Variants in ENO4 observed in about 807,000 individuals in gnomAD.
ENO4 encodes the protein 2-phospho-D-glycerate hydro-lyase.
In ENO4, 53 loss-of-function variants were observed where a neutral mutation model predicts 63.2. The observed-to-expected ratio is 0.84, with a 90% CI of 0.67 to 1.05. The LOEUF (loss-of-function observed/expected upper bound fraction) is 1.05, where lower values mean the gene tolerates loss of function less well. ENO4 is among the 50% of genes least tolerant of loss of function. The pLI is 0.00. For synonymous variants in ENO4, 266 were observed against 283.8 expected, an observed-to-expected ratio of 0.94 and a Z score of 0.63; for missense variants, 719 against 772.0, an observed-to-expected ratio of 0.93 and a Z score of 0.81.
downstream of ENO4, chr10:116,886,459 T>C (rs1278217267): frequency 1.2e-6 from 2 of 1,613,688 alleles, no homozygotes; most frequent in African/African-American, 1.3e-5. Flanking sequence ...AGCAACCTGG[T>C]CTTTGGTTTG....
chr10:116,890,103 A>G (rs1232497318), intron 10 of ENO4, among the ~76,000 whole-genome samples: 3 of 152,212 alleles, frequency 2.0e-5, no homozygotes, highest in African/African-American at 7.2e-5. Context: ...CCCAAGGTAG[A>G]AATCCCAGAA....
In ENO4 at chr10:116,901,464, CTGAT is replaced by C. The variant is rs1237857189; in HGVS notation, c.1195-10032_1195-10029del. The C allele has an allele frequency of 5.1e-6, 5 of 985,196 alleles. No homozygotes were observed. The East Asian group carries it at 5.7e-4, about 112-fold the overall frequency. 61.0% of individuals were successfully genotyped at this position (985,196 alleles called of 1,614,324 possible). On this transcript the variant is annotated intron_variant, in intron 10 of 10. Transcript: ENST00000369207. ...GATCGATGTATTTAATCTTGAAAGACTGATTGTCTCCTGACGCAGAGTCTGTATC... is the reference window on the plus strand; with the variant it reads ...GATCGATGTATTTAATCTTGAAAGACTGTCTCCTGACGCAGAGTCTGTATC...
At chr10:116,851,493 C>G (rs1270415061) in intron 1 of ENO4, among the ~76,000 whole-genome samples, 1 of 152,210 alleles carries the variant, frequency 6.6e-6, no homozygotes, top group Non-Finnish European at 1.5e-5. Context: ...GACTCCGTCT[C>G]AAAAAGAAAA....
intron 4 of ENO4, among the ~76,000 whole-genome samples, chr10:116,860,191 T>C (rs1373601797): frequency 1.3e-5 from 2 of 152,226 alleles, no homozygotes; most frequent in Non-Finnish European, 2.9e-5. Flanking sequence ...ACTAGAGATA[T>C]ATGATGGACT....
Position 116,882,297 on chromosome 10 carries a change from G to A in ENO4, c.*628G>A, listed in dbSNP as rs1318130019. The stretch of plus-strand genomic sequence containing the variant: ...TAGATCCTTTTTGGAGTAAGAATGA[G>A]TATAAATGAATAAGCACATCAGTAA... On this transcript the variant is annotated 3_prime_UTR_variant, in exon 14 of 14. Transcript: ENST00000341276. The A allele has an allele frequency of 6.6e-6, 1 of 150,862 alleles. No individual in the cohort carries two copies. The highest frequency in any genetic ancestry group is 1.5e-5 in the Non-Finnish European group (1 of 67,932). 9.3% of individuals were successfully genotyped at this position (150,862 alleles called of 1,614,324 possible).
At chr10:116,864,182 A>G (rs1168897622) in intron 7 of ENO4, among the ~76,000 whole-genome samples, 1 of 152,164 alleles carries the variant, frequency 6.6e-6, no homozygotes, top group African/African-American at 2.4e-5. Flanking sequence ...TTTCTTTTAA[A>G]AGTTTTTCAG....
rs76642511 is a variant in ENO4 at position 116,865,707 on chromosome 10, C to T, written c.990+2855C>T. On this transcript the variant is annotated intron_variant, in intron 7 of 13. Transcript: ENST00000341276. ...CTTGGCTTGGAAGGAGAGTTCTGACCGCATTTTGTAAGCAGGGATCAGAGC... is the reference window on the plus strand; with the variant it reads ...CTTGGCTTGGAAGGAGAGTTCTGACTGCATTTTGTAAGCAGGGATCAGAGC... 7.0e-3 allele frequency among the ~76,000 whole-genome samples: 1,068 copies of T among 152,192 alleles called. 9 individuals carry two copies. Among genetic ancestry groups the T allele is most frequent in the African/African-American group, 0.024 (1,017 of 41,524 alleles).
At chr10:116,857,389 C>T (rs1176785501) in intron 3 of ENO4, among the ~76,000 whole-genome samples, 1 of 152,168 alleles carries the variant, frequency 6.6e-6, no homozygotes, top group Non-Finnish European at 1.5e-5. Context: ...ACAACTAAGT[C>T]TCCCATGCTT....
chr10:116,865,421 G>C (rs1368909695), intron 7 of ENO4, among the ~76,000 whole-genome samples: 3 of 152,086 alleles, frequency 2.0e-5, no homozygotes, highest in Non-Finnish European at 4.4e-5. Flanking sequence ...TCCTGACCTT[G>C]TGATCCGCCC....
chr10:116,911,983 C>T, downstream of ENO4: 1 of 659,778 alleles, frequency 1.5e-6, no homozygotes, highest in Non-Finnish European at 2.6e-6. Flanking sequence ...AGGACTATGT[C>T]TTAAGGTTAG....
At chr10:116,902,012 A>T in intron 10 of ENO4, 1 of 1,433,950 alleles carries the variant, frequency 7.0e-7, no homozygotes. Flanking sequence ...GCTTATTAAT[A>T]TGGTACTGAA....
intron 6 of ENO4, among the ~76,000 whole-genome samples, chr10:116,862,152 G>C (rs146616212): frequency 2.0e-5 from 3 of 152,250 alleles, no homozygotes; most frequent in Admixed American, 6.5e-5. Context: ...GGTGATCTGT[G>C]ACATGTATTG....
At chr10:116,893,576 G>GCACGCACACACACACACA (rs1554905665) in intron 10 of ENO4, among the ~76,000 whole-genome samples, 1 of 123,524 alleles carries the variant, frequency 8.1e-6, no homozygotes, top group African/African-American at 3.2e-5. Flanking sequence ...GCACTCATGT[G>GCACGCACACACACACACA]CACACACACA....
chr10:116,901,093 T>C lies in ENO4; in HGVS notation c.1195-10406T>C, dbSNP rs1847715084. On this transcript the variant is annotated intron_variant, in intron 10 of 10. Coordinates refer to the ENO4 transcript ENST00000369207. ...TCTGATTTGTCTCACCTCTTCCTTT[T>C]CTTTAAGTGACAAACTAGCTGACAT... The C allele has an allele frequency of 4.1e-6, 4 of 985,234 alleles. No individual in the cohort carries two copies. In the Admixed American group the frequency reaches 1.8e-4, roughly 45 times the overall value. The allele number at this position is 985,234 out of a possible 1,614,324, so 61.0% of individuals were successfully genotyped here.
At chr10:116,870,217 A>G (rs898009356) in intron 8 of ENO4, among the ~76,000 whole-genome samples, 3 of 152,312 alleles carry the variant, frequency 2.0e-5, no homozygotes, top group East Asian at 1.9e-4. Context: ...AGATTCATTG[A>G]TATTGCTTCA....
intron 8 of ENO4, 29 bp downstream of exon 8, chr10:116,868,735 C>G (rs1307112429): frequency 6.6e-7 from 1 of 1,526,594 alleles, no homozygotes; most frequent in Non-Finnish European, 8.9e-7. Context: ...TACCATCCTT[C>G]CATATGACAC....
intron 10 of ENO4, among the ~76,000 whole-genome samples, chr10:116,894,358 T>A (rs1396874039): frequency 1.3e-5 from 2 of 152,234 alleles, no homozygotes; most frequent in Non-Finnish European, 2.9e-5. Flanking sequence ...TTTTGTTTTT[T>A]AAATTCTTCT....
Position 116,849,673 on chromosome 10 carries a change from T to G in ENO4, c.107T>G (p.Leu36Arg). The change falls in exon 1 of 14, where the codon CTG becomes CGG. Residue 36 changes from leucine to arginine, a missense_variant. Transcript: ENST00000341276. The part of the protein sequence containing the change: ...YYRENDVPRR[L>R]EELLNSTFYL... ...CGGGAGAACGACGTTCCGCGCAGGCTGGAAGAGCTGCTCAACTCCACCTTC... is the reference window on the plus strand; with the variant it reads ...CGGGAGAACGACGTTCCGCGCAGGCGGGAAGAGCTGCTCAACTCCACCTTC... The G allele has an allele frequency of 6.5e-7, 1 of 1,549,752 alleles. No homozygotes were observed. The highest frequency in any genetic ancestry group is 8.7e-7 in the Non-Finnish European group (1 of 1,146,622).
chr10:116,911,587 C>G (rs757736545), exon 11 of ENO4: 74 of 1,550,916 alleles, frequency 4.8e-5, no homozygotes, highest in Non-Finnish European at 6.0e-5. Flanking sequence ...TCTTTTAGAA[C>G]AAAAACAGCA....
Sources: allele counts gnomAD v4.1 joint callset (sites outside exome capture counted in the v4.1 genomes callset), GRCh38; gene constraint gnomAD v4.1.1; transcripts MANE v1.5; gene names NCBI Gene and HGNC (gene_info 2026-07-23, HGNC 2026-07-21).